CHD9: variants seen among roughly 807,000 people sequenced by gnomAD.
CHD9 encodes the protein chromodomain helicase DNA binding protein 9, also known as ATP-dependent chromatin remodeler CHD9.
Under a neutral mutation model 316.1 loss-of-function variants are expected in CHD9, and 77 were observed. The ratio of observed to expected loss-of-function variants is 0.24; its 90% CI spans 0.20 to 0.29. The LOEUF (loss-of-function observed/expected upper bound fraction) is 0.29, where lower values mean the gene tolerates loss of function less well. Among genes scored for constraint, CHD9 ranks in the 10% least tolerant of loss-of-function variants. The pLI is 1.00. For missense variants in CHD9, 2,763 were observed against 3,438.1 expected (o/e 0.80, Z 4.91); for synonymous variants, 1,129 against 1,158.3 (o/e 0.97, Z 0.51).
At chr16:53,230,784 GA>G (rs1222213113) in intron 8 of CHD9, among the ~76,000 whole-genome samples, 4 of 151,878 alleles carry the variant, frequency 2.6e-5, no homozygotes, top group African/African-American at 9.7e-5. Flanking sequence ...GAAGAAGGAG[GA>G]ACCAATCTCA....
intron 1 of CHD9, among the ~76,000 whole-genome samples, chr16:53,087,764 A>G (rs1471180660): frequency 1.3e-5 from 2 of 152,268 alleles, no homozygotes; most frequent in South Asian, 2.1e-4. Flanking sequence ...CCTGGCCAAC[A>G]TGATGAAACC....
At chr16:53,108,608 C>G (rs2037565320) in intron 1 of CHD9, among the ~76,000 whole-genome samples, 1 of 152,006 alleles carries the variant, frequency 6.6e-6, no homozygotes, top group Non-Finnish European at 1.5e-5. Context: ...GGCGCGGTGG[C>G]TCACTCCTGT....
chr16:53,080,306 C>T (rs2034908546), intron 1 of CHD9, among the ~76,000 whole-genome samples: 1 of 152,152 alleles, frequency 6.6e-6, no homozygotes, highest in African/African-American at 2.4e-5. Context: ...AGCCTACTCA[C>T]ACGCCCATCA....
chr16:53,102,390 A>AT (rs1437283497), intron 1 of CHD9, among the ~76,000 whole-genome samples: 2 of 151,830 alleles, frequency 1.3e-5, no homozygotes, highest in Non-Finnish European at 2.9e-5. Flanking sequence ...TAATAGTAAG[A>AT]TTTTTTCATA....
intron 19 of CHD9, among the ~76,000 whole-genome samples, chr16:53,256,190 G>A (rs1290984792): frequency 6.6e-6 from 1 of 151,950 alleles, no homozygotes; most frequent in African/African-American, 2.4e-5. Context: ...CTGGCCGGGC[G>A]AGGTGGTTCA....
At chr16:53,254,798 C>G (rs915887057) in intron 18 of CHD9, 193 bp downstream of exon 18, 11 of 390,112 alleles carry the variant, frequency 2.8e-5, no homozygotes, top group African/African-American at 1.9e-4. Context: ...AGCTCCAGAG[C>G]TTATGAATTC....
At chr16:53,092,284 C>T (rs1291262548) in intron 1 of CHD9, among the ~76,000 whole-genome samples, 1 of 59,056 alleles carries the variant, frequency 1.7e-5, no homozygotes, top group Non-Finnish European at 3.7e-5. Context: ...TTTTCTCAAC[C>T]TTCTTCCACC....
intron 24 of CHD9, among the ~76,000 whole-genome samples, chr16:53,276,937 C>G (rs773274562): frequency 2.6e-4 from 39 of 152,194 alleles, no homozygotes; most frequent in Non-Finnish European, 3.7e-4. Flanking sequence ...ACAACTGACA[C>G]CACGGAAATA....
chr16:53,068,327 C>T (rs1174779557), intron 1 of CHD9, among the ~76,000 whole-genome samples: 1 of 152,224 alleles, frequency 6.6e-6, no homozygotes, highest in East Asian at 1.9e-4. Context: ...CACCACTTTT[C>T]AAGGTTGCAA....
chr16:53,287,164 C>T (rs1209154544), intron 26 of CHD9, among the ~76,000 whole-genome samples: 2 of 152,132 alleles, frequency 1.3e-5, no homozygotes, highest in Admixed American at 1.3e-4. Flanking sequence ...TGAGGTCTCC[C>T]TGTGTTGCAC....
At chr16:53,239,919 A>G (rs891842413) in intron 12 of CHD9, among the ~76,000 whole-genome samples, 3 of 152,170 alleles carry the variant, frequency 2.0e-5, no homozygotes, top group Non-Finnish European at 4.4e-5. Flanking sequence ...AATTATATAG[A>G]TGCTTAATTT....
At chr16:53,185,638 G>A (rs910773144) in intron 2 of CHD9, among the ~76,000 whole-genome samples, 8 of 152,172 alleles carry the variant, frequency 5.3e-5, no homozygotes, top group African/African-American at 1.9e-4. Context: ...AGAGACTTTC[G>A]TGGCAGTCTC....
chr16:53,252,427 A>G (rs8060391), intron 17 of CHD9, among the ~76,000 whole-genome samples: 2,394 of 152,336 alleles, frequency 0.016, 31 homozygotes, highest in South Asian at 0.047. Context: ...TCTTAAACCT[A>G]AGACCTGAAA....
intron 1 of CHD9, among the ~76,000 whole-genome samples, chr16:53,137,366 A>AT (rs1349331150): frequency 1.3e-5 from 2 of 152,188 alleles, no homozygotes; most frequent in Non-Finnish European, 2.9e-5. Flanking sequence ...ACTATTATGA[A>AT]TAATACTGAT....
At chr16:53,278,158 A>G (rs1485100444) in intron 24 of CHD9, among the ~76,000 whole-genome samples, 1 of 152,212 alleles carries the variant, frequency 6.6e-6, no homozygotes, top group East Asian at 1.9e-4. Flanking sequence ...GGGTAGAATC[A>G]ATATTGTGAA....
chr16:53,304,700 T>C (rs2055780038), intron 31 of CHD9, 75 bp downstream of exon 31: 5 of 1,267,052 alleles, frequency 3.9e-6, no homozygotes, highest in Non-Finnish European at 4.2e-6. Flanking sequence ...TTTCTTTTTT[T>C]TTTTTTTTTT....
At chr16:53,124,257 A>G (rs189388668) in intron 1 of CHD9, among the ~76,000 whole-genome samples, 2 of 152,170 alleles carry the variant, frequency 1.3e-5, no homozygotes, top group East Asian at 3.9e-4. Flanking sequence ...CTCTGTTCTC[A>G]TGCTGCTAAT....
intron 2 of CHD9, among the ~76,000 whole-genome samples, chr16:53,198,355 T>G (rs1201579827): frequency 1.4e-5 from 2 of 147,952 alleles, no homozygotes; most frequent in Non-Finnish European, 3.0e-5. Context: ...AGTCTCGCTC[T>G]ATCGCCAGGC....
chr16:53,276,812 A>C (rs1262224025), intron 24 of CHD9, among the ~76,000 whole-genome samples: 3 of 152,100 alleles, frequency 2.0e-5, no homozygotes, highest in African/African-American at 7.2e-5. Context: ...CATTTCTCTA[A>C]TCCTCTTCAC....
Sources: allele counts gnomAD v4.1 joint callset (sites outside exome capture counted in the v4.1 genomes callset), GRCh38; gene constraint gnomAD v4.1.1; transcripts MANE v1.5; gene names NCBI Gene and HGNC (gene_info 2026-07-23, HGNC 2026-07-21).